CAMTA1: variants seen among roughly 807,000 people sequenced by gnomAD.
CAMTA1 encodes the protein calmodulin binding transcription activator 1.
A neutral mutation model predicts 170.9 loss-of-function variants in CAMTA1; 27 were observed. The observed-to-expected ratio is 0.16, with a 90% confidence interval of 0.12 to 0.22. The LOEUF (loss-of-function observed/expected upper bound fraction) is 0.22, where lower values mean the gene tolerates loss of function less well. Ranked by LOEUF, CAMTA1 falls within the 10% of genes least tolerant of loss-of-function variation. The pLI, the probability that CAMTA1 is intolerant of heterozygous loss-of-function variation, is 1.00. For missense variants in CAMTA1, 1,619 were observed against 2,217.2 expected (o/e 0.73, Z 5.42); for synonymous variants, 833 against 891.5 (o/e 0.93, Z 1.17).
intron 5 of CAMTA1, among the ~76,000 whole-genome samples, chr1:7,313,092 A>G (rs1223477600): frequency 6.6e-6 from 1 of 152,120 alleles, no homozygotes; most frequent in Non-Finnish European, 1.5e-5. Context: ...CAGAACTACT[A>G]TGAAGGAATT....
At chr1:6,885,725 A>G (rs1156346106) in intron 3 of CAMTA1, among the ~76,000 whole-genome samples, 1 of 152,186 alleles carries the variant, frequency 6.6e-6, no homozygotes, top group Non-Finnish European at 1.5e-5. Flanking sequence ...AGGTGAAAGC[A>G]GAGAAATACC....
intron 11 of CAMTA1, among the ~76,000 whole-genome samples, chr1:7,696,983 G>T (rs930917738): frequency 6.6e-6 from 1 of 152,310 alleles, no homozygotes; most frequent in Non-Finnish European, 1.5e-5. Flanking sequence ...CTGGGCCTAG[G>T]TCGTCTCACT....
intron 3 of CAMTA1, among the ~76,000 whole-genome samples, chr1:6,867,549 G>A (rs1447957281): frequency 6.6e-6 from 1 of 152,172 alleles, no homozygotes; most frequent in Non-Finnish European, 1.5e-5. Flanking sequence ...CCACTTGCGG[G>A]TGAGCTACAG....
intron 7 of CAMTA1, among the ~76,000 whole-genome samples, chr1:7,652,600 G>C (rs2095854941): frequency 6.6e-6 from 1 of 152,194 alleles, no homozygotes; most frequent in Admixed American, 6.5e-5. Context: ...ATCAGCTTGG[G>C]ATGACAGCAT....
intron 5 of CAMTA1, among the ~76,000 whole-genome samples, chr1:7,368,750 G>A (rs905754599): frequency 1.3e-5 from 2 of 152,194 alleles, no homozygotes; most frequent in East Asian, 1.9e-4. Flanking sequence ...TACCTGGCTC[G>A]CTGTGGTGTT....
At position 7,463,340 on chromosome 1, in the gene CAMTA1, G is replaced by A. The variant is rs2093135422; in HGVS notation, c.439-4490G>A. Among the ~76,000 whole-genome samples the A allele has an allele frequency of 6.6e-6, 1 of 152,130 alleles. No individual in the cohort carries two copies. The highest frequency in any genetic ancestry group is 1.5e-5 in the Non-Finnish European group (1 of 68,026). ...GACAGGCAAGGGAAACAGAGACAGG[G>A]AGAGACAGAGAGACAGAGAAAGATG... On this transcript the variant is annotated intron_variant, in intron 5 of 22. Coordinates refer to ENST00000303635, the MANE Select transcript of CAMTA1 (RefSeq NM_015215.4). This position sits in a 1 kb window ranked among gnomAD's most constrained non-coding sequence, Gnocchi z 4.7.
chr1:7,550,808 C>T (rs1198551909), intron 6 of CAMTA1, among the ~76,000 whole-genome samples: 1 of 114,824 alleles, frequency 8.7e-6, no homozygotes, highest in Admixed American at 9.6e-5. Flanking sequence ...TCCTCTCCTA[C>T]CTGGCCCCTA....
chr1:6,968,509 G>T (rs899693616), intron 3 of CAMTA1, among the ~76,000 whole-genome samples: 2 of 152,170 alleles, frequency 1.3e-5, no homozygotes, highest in Non-Finnish European at 2.9e-5. Flanking sequence ...CCTACTGCGT[G>T]CCAGGTGCTG....
intron 7 of CAMTA1, among the ~76,000 whole-genome samples, chr1:7,643,183 C>A (rs2095778432): frequency 3.3e-5 from 5 of 149,994 alleles, no homozygotes; most frequent in African/African-American, 1.0e-4. Context: ...GAGGAGTTGC[C>A]TTCCTGGCCT....
At chr1:6,836,225 T>G (rs1396904) in intron 3 of CAMTA1, among the ~76,000 whole-genome samples, 44,559 of 152,158 alleles carry the variant, frequency 0.29, 6,852 homozygotes, top group Admixed American at 0.4. Flanking sequence ...TTTTACAGTA[T>G]TAGTGCTTTT....
chr1:7,577,200 C>T (rs76217463), intron 6 of CAMTA1, among the ~76,000 whole-genome samples: 6,369 of 152,272 alleles, frequency 0.042, 448 homozygotes, highest in African/African-American at 0.14. Context: ...GGAGACGTTC[C>T]TCAGATCCCT....
intron 3 of CAMTA1, among the ~76,000 whole-genome samples, chr1:7,013,493 G>A (rs976506536): frequency 2.0e-5 from 3 of 152,086 alleles, no homozygotes; most frequent in Non-Finnish European, 4.4e-5. Context: ...GATTACAGGC[G>A]TGAGCCACCA....
Position 7,736,901 on chromosome 1 carries a change from T to C in CAMTA1, c.3264-30T>C, listed in dbSNP as rs757979900. On this transcript the variant is annotated intron_variant, in intron 13 of 22. Transcript: ENST00000303635. The surrounding 1 kb of genome is among the most constrained non-coding windows in gnomAD (Gnocchi z 4.5). ...GTTTCCTTTTAACGGTGGTGAATAG[T>C]GTGGTAATTTCTGGTGCTCTCCCTT... 1.7e-5 allele frequency: 26 copies of C among 1,548,436 alleles called. 2 individuals carry two copies. In the South Asian group the frequency reaches 2.8e-4, roughly 17 times the overall value.
rs1663540763 is a variant in CAMTA1 at position 7,234,940 on chromosome 1, C to T, written c.303-14551C>T. On this transcript the variant is annotated intron_variant, in intron 4 of 22. Transcript: ENST00000303635. The surrounding 1 kb of genome is among the most constrained non-coding windows in gnomAD (Gnocchi z 5.0). ...TAGCTGGGATTAAAAGCACCTGCCA[C>T]CACACCTGGCTAATTTTTGTATTTT... Among the ~76,000 whole-genome samples the T allele has an allele frequency of 6.6e-6, 1 of 152,020 alleles. No homozygotes were observed. Among genetic ancestry groups the T allele is most frequent in the African/African-American group, 2.4e-5 (1 of 41,374 alleles).
At chr1:6,852,615 A>G (rs1435859986) in intron 3 of CAMTA1, among the ~76,000 whole-genome samples, 1 of 152,250 alleles carries the variant, frequency 6.6e-6, no homozygotes, top group Non-Finnish European at 1.5e-5. Context: ...AGGAACAGCT[A>G]AAAGAGAGAT....
At chr1:7,704,528 G>C (rs1328826426) in intron 11 of CAMTA1, among the ~76,000 whole-genome samples, 2 of 147,990 alleles carry the variant, frequency 1.4e-5, no homozygotes, top group African/African-American at 4.9e-5. Flanking sequence ...GGCCCCCGCC[G>C]TCCAGCGCGG....
At chr1:7,528,132 G>A (rs548472177) in intron 6 of CAMTA1, among the ~76,000 whole-genome samples, 1 of 152,124 alleles carries the variant, frequency 6.6e-6, no homozygotes, top group African/African-American at 2.4e-5. Context: ...GGAAGAAAAA[G>A]CTTGCTCTCT....
At chr1:7,363,576 AT>A (rs1404030036) in intron 5 of CAMTA1, among the ~76,000 whole-genome samples, 1 of 152,134 alleles carries the variant, frequency 6.6e-6, no homozygotes, top group East Asian at 1.9e-4. Flanking sequence ...AGTGAGTGAC[AT>A]TTCACAGGAT....
chr1:6,950,860 C>T (rs1487829277), intron 3 of CAMTA1, among the ~76,000 whole-genome samples: 1 of 152,212 alleles, frequency 6.6e-6, no homozygotes. Context: ...ATCGGATGCC[C>T]AGGGAGGGGC....
Sources: allele counts gnomAD v4.1 joint callset (sites outside exome capture counted in the v4.1 genomes callset), GRCh38; gene constraint gnomAD v4.1.1; non-coding constraint Gnocchi (gnomAD v3.1); transcripts MANE v1.5; gene names NCBI Gene and HGNC (gene_info 2026-07-23, HGNC 2026-07-21).